ALG10B: variants seen among roughly 807,000 people sequenced by gnomAD.
The protein encoded by ALG10B is dol-P-Glc:Glc(2)Man(9)GlcNAc(2)-PP-Dol alpha-1,2-glucosyltransferase B.
ALG10B carries 27 observed loss-of-function variants against 38.7 expected under a neutral mutation model. That is an observed-to-expected ratio of 0.70 (90% CI 0.51 to 0.96). The LOEUF is 0.96. Ranked by LOEUF, ALG10B falls within the 40% of genes least tolerant of loss-of-function variation. The pLI is 0.00. For missense variants in ALG10B, 522 were observed against 542.7 expected, an observed-to-expected ratio of 0.96 and a Z score of 0.38; for synonymous variants, 177 against 193.3, an observed-to-expected ratio of 0.92 and a Z score of 0.70.
At position 38,327,334 on chromosome 12, in the gene ALG10B, T is replaced by C. The variant is rs1309195091; in HGVS notation, c.*6121T>C. On this transcript the variant is annotated 3_prime_UTR_variant, in exon 3 of 3. Transcript: ENST00000308742. ...AGTTTAGTTGAACCATATATGTGTG[T>C]GTATGGCATATATAAGATGAAAAAA... The C allele has an allele frequency of 1.3e-5, 2 of 152,098 alleles. No homozygotes were observed. The highest frequency in any genetic ancestry group is 2.4e-5 in the African/African-American group (1 of 41,414). 9.4% of individuals were successfully genotyped at this position (152,098 alleles called of 1,614,324 possible).
rs6582599 is a variant in ALG10B at position 38,322,163 on chromosome 12, T to G, written c.*950T>G. On this transcript the variant is annotated 3_prime_UTR_variant, in exon 3 of 3. Coordinates refer to ENST00000308742, the MANE Select transcript of ALG10B (RefSeq NM_001013620.4). ...CTTGGAGTTCTTTGGCTTATGGGCA[T>G]ATCTTGTCTAAGTATTGCAGACAGC... is the stretch of plus-strand genomic sequence containing the variant. 0.62 allele frequency: 94,155 copies of G among 152,090 alleles called. 30,001 individuals carry two copies. Among genetic ancestry groups the G allele is most frequent in the East Asian group, 0.84 (4,351 of 5,158 alleles). 9.4% of individuals were successfully genotyped at this position (152,090 alleles called of 1,614,324 possible). A position where few individuals can be genotyped will look rare whatever the true frequency, so the allele number is the denominator to read the frequency against.
rs772132030 is a variant in ALG10B at position 38,320,389 on chromosome 12, G to A, written c.598G>A (p.Val200Ile). The A allele has an allele frequency of 1.9e-5, 31 of 1,614,086 alleles. No homozygotes were observed. In the East Asian group the frequency reaches 5.1e-4, roughly 27 times the overall value. Residue 200 changes from valine to isoleucine, a missense_variant, in exon 3 of 3, where the codon GTC becomes ATC. Val to Ile is a conservative substitution (Grantham distance 29). Coordinates refer to ENST00000308742, the MANE Select transcript of ALG10B (RefSeq NM_001013620.4). Reference sequence around the variant, plus strand: ...CTGGGCTGTCTTCTGTGCAGGGAATGTCATTGCACAAAAGTTAACTGAGGC... The same window carrying A: ...CTGGGCTGTCTTCTGTGCAGGGAATATCATTGCACAAAAGTTAACTGAGGC... ...IIWAVFCAGNVIAQKLTEAWK... is the reference protein window; with the variant it reads ...IIWAVFCAGNIIAQKLTEAWK...
At position 38,321,294 on chromosome 12, in the gene ALG10B, A is replaced by G. The variant is rs545332480; in HGVS notation, c.*81A>G. The G allele has an allele frequency of 1.3e-5, 19 of 1,445,912 alleles. No homozygotes were observed. The East Asian group carries it at 2.8e-4, about 21-fold the overall frequency. The allele number at this position is 1,445,912 out of a possible 1,614,324, so 89.6% of individuals were successfully genotyped here. ...AAGAACAACTGAATAGGTGGAAAAC[A>G]TGGAATTTCTTTTAGGTGCAGTGGT... is the stretch of plus-strand genomic sequence containing the variant. On this transcript the variant is annotated 3_prime_UTR_variant, in exon 3 of 3. Coordinates refer to ENST00000308742, the MANE Select transcript of ALG10B (RefSeq NM_001013620.4).
chr12:38,319,289 A>G (rs906257147), intron 2 of ALG10B, among the ~76,000 whole-genome samples: 1 of 152,132 alleles, frequency 6.6e-6, no homozygotes, highest in African/African-American at 2.4e-5. Flanking sequence ...TGAGGAATTA[A>G]TCCTGGGGAG....
In ALG10B at chr12:38,327,277, A is replaced by G. The variant is rs1359512682; in HGVS notation, c.*6064A>G. 1 of 152,018 alleles carries G rather than the reference A, an allele frequency of 6.6e-6. No homozygotes were observed. Among genetic ancestry groups the G allele is most frequent in the Non-Finnish European group, 1.5e-5 (1 of 68,016 alleles). 9.4% of individuals were successfully genotyped at this position (152,018 alleles called of 1,614,324 possible). Reference sequence around the variant, plus strand: ...CAGCTTCCAACAAGAAAAATATTAAATGTATTGGTTTTTCACAGTGAAACT... The same window carrying G: ...CAGCTTCCAACAAGAAAAATATTAAGTGTATTGGTTTTTCACAGTGAAACT... On this transcript the variant is annotated 3_prime_UTR_variant, in exon 3 of 3. Transcript: ENST00000308742.
chr12:38,316,875 A>C lies in ALG10B; in HGVS notation c.-19A>C. On this transcript the variant is annotated 5_prime_UTR_variant, in exon 1 of 3. Coordinates refer to ENST00000308742, the MANE Select transcript of ALG10B (RefSeq NM_001013620.4). The stretch of plus-strand genomic sequence containing the variant: ...ATTTTCCAGGAGTGGGTTCTTGGGC[A>C]GTGGCTGTGGGAGCAGGAATGGCGC... 6.2e-7 allele frequency: 1 copy of C among 1,614,000 alleles called. No individual in the cohort carries two copies. Among genetic ancestry groups the C allele is most frequent in the Non-Finnish European group, 8.5e-7 (1 of 1,179,948 alleles).
At chr12:38,319,273 G>A (rs1565603800) in intron 2 of ALG10B, among the ~76,000 whole-genome samples, 1 of 152,134 alleles carries the variant, frequency 6.6e-6, no homozygotes, top group African/African-American at 2.4e-5. Context: ...ATAGGGCTGT[G>A]TAGGGTGAGG....
chr12:38,319,573 T>G lies in ALG10B; in HGVS notation c.370-588T>G, dbSNP rs1945683967. On this transcript the variant is annotated intron_variant, in intron 2 of 2. Transcript: ENST00000308742. The stretch of plus-strand genomic sequence containing the variant: ...CACTTTCAAATTCTGAAATAGCATG[T>G]CAGAAAGGCCAAAATAAGATATATA... 2.0e-5 allele frequency among the ~76,000 whole-genome samples: 3 copies of G among 152,284 alleles called. No individual in the cohort carries two copies. In the South Asian group the frequency reaches 6.2e-4, roughly 32 times the overall value.
At position 38,328,295 on chromosome 12, in the gene ALG10B, C is replaced by T. The variant is rs1945762953; in HGVS notation, c.*7082C>T. Reference sequence around the variant, plus strand: ...TCTAAACCAAAACTACTATTTGACTCTATTACACCCTGTTTTAGAAAAACA... The same window carrying T: ...TCTAAACCAAAACTACTATTTGACTTTATTACACCCTGTTTTAGAAAAACA... On this transcript the variant is annotated 3_prime_UTR_variant, in exon 3 of 3. Transcript: ENST00000308742. 6.6e-6 allele frequency: 1 copy of T among 152,130 alleles called. No individual in the cohort carries two copies. 9.4% of individuals were successfully genotyped at this position (152,130 alleles called of 1,614,324 possible).
Position 38,316,797 on chromosome 12 carries a change from T to C in ALG10B, c.-97T>C, listed in dbSNP as rs1057385356. On this transcript the variant is annotated 5_prime_UTR_variant, in exon 1 of 3. Coordinates refer to ENST00000308742, the MANE Select transcript of ALG10B (RefSeq NM_001013620.4). ...ATGTGGCCCCGTCTGGCTAGTCCTG[T>C]CTAGCGCGCCCATTTCGAGCCCAAG... The C allele has an allele frequency of 2.3e-4, 372 of 1,602,700 alleles. No homozygotes were observed. The highest frequency in any genetic ancestry group is 2.9e-4 in the Non-Finnish European group (343 of 1,171,682).
rs11433041 is a variant in ALG10B, at chr12:38,329,479, G to GA, written c.*8271dup. On this transcript the variant is annotated 3_prime_UTR_variant, in exon 3 of 3. Transcript: ENST00000308742. Reference sequence around the variant, plus strand: ...TTAACAGGACATACTTTAGATATTTGAAAAATTCTCTGTGGAATCACAATC... The same window carrying GA: ...TTAACAGGACATACTTTAGATATTTGAAAAAATTCTCTGTGGAATCACAATC... The GA allele has an allele frequency of 0.44, 150,655 of 340,420 alleles. 34,325 individuals carry two copies. The highest frequency in any genetic ancestry group is 0.54 in the East Asian group (12,275 of 22,676). The allele number at this position is 340,420 out of a possible 1,614,324, so 21.1% of individuals were successfully genotyped here.
chr12:38,320,787 C>T lies in ALG10B; in HGVS notation c.996C>T (p.Val332=). 6.2e-7 allele frequency: 1 copy of T among 1,613,758 alleles called. No homozygotes were observed. Among genetic ancestry groups the T allele is most frequent in the Non-Finnish European group, 8.5e-7 (1 of 1,179,896 alleles). Residue 332 remains valine, a synonymous_variant, in exon 3 of 3, where the codon GTC becomes GTT. Transcript: ENST00000308742. The part of the protein sequence containing the change: ...HGILFLVVTL[V]SVFLVWKFTY... ...TTCTGTTTTTGGTGGTTACCTTAGT[C>T]TCTGTGTTTTTAGTTTGGAAATTCA...
rs1161406727 is a variant in ALG10B, at chr12:38,321,283, A to G, written c.*70A>G. 6.0e-6 allele frequency: 9 copies of G among 1,490,044 alleles called. No individual in the cohort carries two copies. The highest frequency in any genetic ancestry group is 1.4e-5 in the African/African-American group (1 of 71,666). The allele number at this position is 1,490,044 out of a possible 1,614,324, so 92.3% of individuals were successfully genotyped here. ...CCATTTCTACAAAGAACAACTGAAT[A>G]GGTGGAAAACATGGAATTTCTTTTA... On this transcript the variant is annotated 3_prime_UTR_variant, in exon 3 of 3. Coordinates refer to ENST00000308742, the MANE Select transcript of ALG10B (RefSeq NM_001013620.4).
rs1945735031 is a variant in ALG10B, at chr12:38,325,316, T to C, written c.*4103T>C. The stretch of plus-strand genomic sequence containing the variant: ...AAAATAACTTGTGTAAATAGCCTAA[T>C]GTAATTTATTTCTAATAAATACGTA... On this transcript the variant is annotated 3_prime_UTR_variant, in exon 3 of 3. Transcript: ENST00000308742. The C allele has an allele frequency of 1.3e-5, 2 of 152,240 alleles. No individual in the cohort carries two copies. Among genetic ancestry groups the C allele is most frequent in the African/African-American group, 4.8e-5 (2 of 41,468 alleles). 9.4% of individuals were successfully genotyped at this position (152,240 alleles called of 1,614,324 possible). A position where few individuals can be genotyped will look rare whatever the true frequency, so the allele number is the denominator to read the frequency against.
At position 38,327,952 on chromosome 12, in the gene ALG10B, A is replaced by G. The variant is rs1436588298; in HGVS notation, c.*6739A>G. On this transcript the variant is annotated 3_prime_UTR_variant, in exon 3 of 3. Transcript: ENST00000308742. ...TTGGACTTAATTCTGTATTGCCTGA[A>G]GTGTAAATCAGAGGTCAACAATTAG... The G allele has an allele frequency of 6.6e-6, 1 of 152,204 alleles. No homozygotes were observed. The highest frequency in any genetic ancestry group is 1.9e-4 in the East Asian group (1 of 5,192). The allele number at this position is 152,204 out of a possible 1,614,324, so 9.4% of individuals were successfully genotyped here.
Position 38,320,895 on chromosome 12 carries a change from T to C in ALG10B, c.1104T>C (p.Ile368=), listed in dbSNP as rs770922821. 1 of 1,613,868 alleles carries C rather than the reference T, an allele frequency of 6.2e-7. No individual in the cohort carries two copies. Among genetic ancestry groups the C allele is most frequent in the East Asian group, 2.2e-5 (1 of 44,850 alleles). ...VWKRVFQRYA[I]LKYLLVPAYI... ...AAAGAGTTTTTCAAAGATATGCAAT[T>C]CTGAAATATTTGTTAGTTCCAGCCT... The change falls in exon 3 of 3, where the codon ATT becomes ATC. Residue 368 remains isoleucine (I), a synonymous_variant. Coordinates refer to ENST00000308742, the MANE Select transcript of ALG10B (RefSeq NM_001013620.4).
Position 38,317,456 on chromosome 12 carries a change from TG to T in ALG10B, c.171+395del, listed in dbSNP as rs1443739918. On this transcript the variant is annotated intron_variant, in intron 1 of 2. Coordinates refer to ENST00000308742, the MANE Select transcript of ALG10B (RefSeq NM_001013620.4). ...AGCACCTCACTGTGCATTTTAGGGG[TG>T]GGATAGGGTGGACTGGAGGGATCTT... 3 of 215,066 alleles carry T rather than the reference TG, an allele frequency of 1.4e-5. No homozygotes were observed. In the East Asian group the frequency reaches 3.6e-4, roughly 26 times the overall value. The allele number at this position is 215,066 out of a possible 1,614,324, so 13.3% of individuals were successfully genotyped here.
In ALG10B at chr12:38,321,102, T is replaced by C. The variant is rs188303169; in HGVS notation, c.1311T>C (p.Leu437=). 5.0e-6 allele frequency: 8 copies of C among 1,613,856 alleles called. No individual in the cohort carries two copies. The East Asian group carries it at 6.7e-5, about 13-fold the overall frequency. ...TAACTCTGCCTCCCACATCCAGACT[T>C]GTTTGTGAACTGAGTTGCTATGCAA... ...LNITLPPTSR[L]VCELSCYAIV... is the part of the protein sequence containing the mutation. The change falls in exon 3 of 3, where the codon CTT becomes CTC. Residue 437 remains leucine (L), a synonymous_variant. Transcript: ENST00000308742.
chr12:38,321,897 C>T lies in ALG10B; in HGVS notation c.*684C>T, dbSNP rs1401211781. On this transcript the variant is annotated 3_prime_UTR_variant, in exon 3 of 3. Transcript: ENST00000308742. ...ATATGAAATGTATGATGGCCAAAGA[C>T]AAATTGTGTTGATTATAATCCTTTA... The T allele has an allele frequency of 6.6e-6, 1 of 152,388 alleles. No individual in the cohort carries two copies. The allele number at this position is 152,388 out of a possible 1,614,324, so 9.4% of individuals were successfully genotyped here.
Sources: allele counts gnomAD v4.1 joint callset (sites outside exome capture counted in the v4.1 genomes callset), GRCh38; gene constraint gnomAD v4.1.1; transcripts MANE v1.5; gene names NCBI Gene and HGNC (gene_info 2026-07-23, HGNC 2026-07-21).